Variants in SGCD observed in about 807,000 individuals in gnomAD.
SGCD encodes delta-sarcoglycan.
A neutral mutation model predicts 36.6 loss-of-function variants in SGCD; 18 were observed. The ratio of observed to expected loss-of-function variants is 0.49; its 90% confidence interval spans 0.34 to 0.73. SGCD has a LOEUF of 0.73. Ranked by LOEUF, SGCD falls within the 30% of genes least tolerant of loss-of-function variation. The pLI is 0.01. For missense variants in SGCD, 387 were observed against 346.7 expected, an observed-to-expected ratio of 1.12 and a Z score of -0.92; for synonymous variants, 133 against 130.6, an observed-to-expected ratio of 1.02 and a Z score of -0.12.
At chr5:156,044,765 A>G (rs1759721360) in intron 1 of SGCD, among the ~76,000 whole-genome samples, 1 of 152,194 alleles carries the variant, frequency 6.6e-6, no homozygotes, top group Non-Finnish European at 1.5e-5. Context: ...ATTAATGAAT[A>G]CTCAGAGAAG....
intron 5 of SGCD, among the ~76,000 whole-genome samples, chr5:156,594,024 G>C (rs893904383): frequency 3.3e-5 from 5 of 152,140 alleles, no homozygotes; most frequent in Non-Finnish European, 4.4e-5. Flanking sequence ...TTATTCCTGT[G>C]TGTTTCTGTA....
At position 156,454,490 on chromosome 5, in the gene SGCD, G is replaced by A. The variant is rs531099828; in HGVS notation, c.193-54111G>A. 2.0e-5 allele frequency among the ~76,000 whole-genome samples: 3 copies of A among 152,252 alleles called. No individual in the cohort carries two copies. The East Asian group carries it at 5.8e-4, about 29-fold the overall frequency. On this transcript the variant is annotated intron_variant, in intron 3 of 8. Coordinates refer to ENST00000337851, the MANE Select transcript of SGCD (RefSeq NM_000337.6). ...ATTTATACTTTGTTGGAGACAATGT[G>A]GTGAATTCAGCTCATTGAATAGCAA...
intron 1 of SGCD, among the ~76,000 whole-genome samples, chr5:155,964,310 A>G (rs944785169): frequency 1.3e-5 from 2 of 152,070 alleles, no homozygotes; most frequent in African/African-American, 4.8e-5. Flanking sequence ...TGCTCTAACT[A>G]TACTCTATAT....
At chr5:156,550,507 A>T (rs1259283588) in intron 4 of SGCD, among the ~76,000 whole-genome samples, 1 of 152,194 alleles carries the variant, frequency 6.6e-6, no homozygotes, top group East Asian at 1.9e-4. Flanking sequence ...AGCCAGTAAG[A>T]GCTAACTTTA....
At chr5:155,759,196 A>G in the SGCD span, among the ~76,000 whole-genome samples, 2 of 152,060 alleles carry the variant, frequency 1.3e-5, no homozygotes, top group Non-Finnish European at 1.5e-5. Context: ...TGTTGTAATA[A>G]GTTTGCATTA....
chr5:156,568,228 A>T (rs1386108823), intron 4 of SGCD, among the ~76,000 whole-genome samples: 1 of 152,184 alleles, frequency 6.6e-6, no homozygotes, highest in African/African-American at 2.4e-5. Context: ...TACTAAAAAT[A>T]CAGAAATTAG....
At chr5:156,699,714 A>G (rs1351959115) in intron 7 of SGCD, among the ~76,000 whole-genome samples, 2 of 152,192 alleles carry the variant, frequency 1.3e-5, no homozygotes, top group African/African-American at 2.4e-5. Flanking sequence ...TAAGGTTTAT[A>G]ATGACGACAA....
In SGCD at chr5:156,510,142, C is replaced by G. The variant is rs1211072154; in HGVS notation, c.294+1440C>G. ...TGTGTGCTTAGTAAAAGAGAGGGAA[C>G]AAGGATGTTAAAACTATCAAAAATA... On this transcript the variant is annotated intron_variant, in intron 4 of 8. Transcript: ENST00000337851. Among the ~76,000 whole-genome samples the G allele has an allele frequency of 3.3e-5, 5 of 152,146 alleles. No individual in the cohort carries two copies. The South Asian group carries it at 1.0e-3, about 32-fold the overall frequency.
chr5:156,467,111 G>A (rs1420663400), intron 3 of SGCD, among the ~76,000 whole-genome samples: 1 of 152,154 alleles, frequency 6.6e-6, no homozygotes, highest in Non-Finnish European at 1.5e-5. Context: ...GACAAAGTGT[G>A]AACAAATGGG....
chr5:156,293,348 A>G (rs2127679328), intron 3 of SGCD, among the ~76,000 whole-genome samples: 1 of 151,978 alleles, frequency 6.6e-6, no homozygotes, highest in East Asian at 1.9e-4. Context: ...CCTTTTTAAA[A>G]TTTTCTTGCC....
chr5:156,047,490 T>C (rs1289691391), intron 1 of SGCD, among the ~76,000 whole-genome samples: 2 of 152,118 alleles, frequency 1.3e-5, no homozygotes, highest in African/African-American at 4.8e-5. Flanking sequence ...CCAATACTTA[T>C]TAACTGATAC....
At chr5:155,921,494 G>A (rs1184288845) in intron 1 of SGCD, among the ~76,000 whole-genome samples, 1 of 151,982 alleles carries the variant, frequency 6.6e-6, no homozygotes, top group East Asian at 1.9e-4. Flanking sequence ...GTGCTGATGG[G>A]GGGTAGCAGT....
chr5:156,759,305 T>G lies in SGCD; in HGVS notation c.788T>G (p.Ile263Ser). 1.2e-6 allele frequency: 2 copies of G among 1,613,762 alleles called. No individual in the cohort carries two copies. Among genetic ancestry groups the G allele is most frequent in the Non-Finnish European group, 1.7e-6 (2 of 1,179,688 alleles). Residue 263 changes from isoleucine (I) to serine (S), a missense_variant, in exon 9 of 9, where the codon ATC (isoleucine) becomes AGC (serine). Coordinates refer to ENST00000337851, the MANE Select transcript of SGCD (RefSeq NM_000337.6). ...PTGTRQKVFE[I>S]CVCANGRLFL... is the part of the protein sequence containing the mutation. ...GGAACGAGGCAGAAGGTCTTCGAGA[T>G]CTGCGTCTGCGCCAATGGGAGATTA...
At chr5:155,839,237 A>T in the SGCD span, among the ~76,000 whole-genome samples, 1 of 152,216 alleles carries the variant, frequency 6.6e-6, no homozygotes, top group African/African-American at 2.4e-5. Flanking sequence ...CTGGCGAGAA[A>T]AGGTTGTAAT....
At chr5:155,948,387 C>T (rs552908028) in intron 1 of SGCD, among the ~76,000 whole-genome samples, 35 of 152,138 alleles carry the variant, frequency 2.3e-4, no homozygotes, top group Non-Finnish European at 4.6e-4. Flanking sequence ...CTGGCCAAGT[C>T]GGAAGCAGGT....
chr5:155,957,237 C>T (rs981591854), intron 1 of SGCD, among the ~76,000 whole-genome samples: 2 of 152,046 alleles, frequency 1.3e-5, no homozygotes, highest in African/African-American at 4.8e-5. Flanking sequence ...TTGTAATGCG[C>T]TGCTCAGATC....
rs151213529 is a variant in SGCD at position 155,980,512 on chromosome 5, C to T, written c.-282+110088C>T. Among the ~76,000 whole-genome samples, 856 of 133,516 alleles carry T rather than the reference C, an allele frequency of 6.4e-3. 7 individuals carry two copies. The highest frequency in any genetic ancestry group is 7.4e-3 in the African/African-American group (266 of 35,912). The allele number at this position is 133,516 out of a possible 152,430, so 87.6% of individuals were successfully genotyped here. The stretch of plus-strand genomic sequence containing the variant: ...CTGAGGCAGAAGAATGGTGTGAACC[C>T]GAGAGGCAGAGCTTGCAGTGAGCCG... On this transcript the variant is annotated intron_variant, in intron 1 of 9. Transcript: ENST00000517913.
chr5:156,548,350 T>G (rs965721936), intron 4 of SGCD, among the ~76,000 whole-genome samples: 3 of 152,244 alleles, frequency 2.0e-5, no homozygotes, highest in African/African-American at 7.2e-5. Flanking sequence ...TACCTCATGC[T>G]TTTTGAGCTG....
chr5:155,943,904 C>T (rs370979210), intron 1 of SGCD, among the ~76,000 whole-genome samples: 26 of 152,242 alleles, frequency 1.7e-4, no homozygotes, highest in African/African-American at 6.0e-4. Flanking sequence ...TAAAGCAGCC[C>T]CTTTATTGTC....
Sources: gnomAD v4.1 joint callset for allele counts (sites outside exome capture counted in the v4.1 genomes callset) on GRCh38, gnomAD v4.1.1 for gene constraint, MANE v1.5 for transcripts, NCBI Gene and HGNC (gene_info 2026-07-23, HGNC 2026-07-21) for gene names.